Variants in TBCD observed in about 807,000 individuals in gnomAD.
TBCD encodes the protein tubulin-specific chaperone D.
A neutral mutation model predicts 169.3 loss-of-function variants in TBCD; 105 were observed. The ratio of observed to expected loss-of-function variants is 0.62; its 90% CI spans 0.53 to 0.73. TBCD has a LOEUF of 0.73. TBCD is among the 30% of genes least tolerant of loss of function. The pLI is 0.00. For synonymous variants in TBCD, 700 were observed against 643.9 expected, an observed-to-expected ratio of 1.09 and a Z score of -1.32; for missense variants, 1,444 against 1,600.1, an observed-to-expected ratio of 0.90 and a Z score of 1.66.
intron 9 of TBCD, among the ~76,000 whole-genome samples, chr17:82,803,359 G>A (rs1426602652): frequency 6.6e-6 from 1 of 152,226 alleles, no homozygotes; most frequent in Non-Finnish European, 1.5e-5. Context: ...TCTGAGGGTT[G>A]CACAGTCTCC....
intron 8 of TBCD, among the ~76,000 whole-genome samples, chr17:82,799,746 C>T (rs536947790): frequency 1.5e-4 from 23 of 152,334 alleles, no homozygotes; most frequent in African/African-American, 3.6e-4. Flanking sequence ...CAGGCCCTGT[C>T]GGCGGGAGGA....
rs541535636 is a variant in TBCD, at chr17:82,884,884, G to C, written c.1533+682G>C. On this transcript the variant is annotated intron_variant, in intron 15 of 38. Transcript: ENST00000355528. This position sits in a 1 kb window ranked among gnomAD's most constrained non-coding sequence, Gnocchi z 4.2. ...AGTTGAGACGGTGGACCAGTCTCAA[G>C]ATAAGAGTCTTTATTTCAGATACAG... is the stretch of plus-strand genomic sequence containing the variant. 5.9e-5 allele frequency: 9 copies of C among 152,628 alleles called. No homozygotes were observed. The highest frequency in any genetic ancestry group is 2.2e-4 in the African/African-American group (9 of 41,544). 9.5% of individuals were successfully genotyped at this position (152,628 alleles called of 1,614,324 possible).
At chr17:82,804,844 C>T (rs1382303442) in intron 9 of TBCD, among the ~76,000 whole-genome samples, 2 of 152,240 alleles carry the variant, frequency 1.3e-5, no homozygotes, top group African/African-American at 4.8e-5. Flanking sequence ...AAACTGCCCC[C>T]CTCCTTGTTT....
intron 5 of TBCD, among the ~76,000 whole-genome samples, chr17:82,771,888 C>T (rs2048328666): frequency 6.6e-6 from 1 of 151,656 alleles, no homozygotes; most frequent in Non-Finnish European, 1.5e-5. Flanking sequence ...CGCGCCACGG[C>T]CCTCCAGCCT....
Position 82,784,337 on chromosome 17 carries a change from G to T in TBCD, c.771+2616G>T, listed in dbSNP as rs115556385. On this transcript the variant is annotated intron_variant, in intron 7 of 38. Coordinates refer to ENST00000355528, the MANE Select transcript of TBCD (RefSeq NM_005993.5). ...TTTTGGGCATTGCAGGTACAGATGTGCTGTCTGTGTCCCCAGGTGCCCCTC... is the reference window on the plus strand; with the variant it reads ...TTTTGGGCATTGCAGGTACAGATGTTCTGTCTGTGTCCCCAGGTGCCCCTC... 1.0e-2 allele frequency among the ~76,000 whole-genome samples: 1,521 copies of T among 152,278 alleles called. 20 individuals carry two copies. The highest frequency in any genetic ancestry group is 0.035 in the African/African-American group (1,447 of 41,552).
chr17:82,879,179 G>A (rs1177761829), intron 14 of TBCD, among the ~76,000 whole-genome samples: 3 of 150,156 alleles, frequency 2.0e-5, no homozygotes, highest in Non-Finnish European at 4.4e-5. Context: ...CACTTCCCAG[G>A]AGTCTCACAT....
chr17:82,850,078 C>T (rs1327859334), intron 13 of TBCD, among the ~76,000 whole-genome samples: 11 of 83,704 alleles, frequency 1.3e-4, no homozygotes, highest in South Asian at 4.4e-4. Flanking sequence ...GTTGGCTGTG[C>T]TGTGCTGCTG....
intron 13 of TBCD, among the ~76,000 whole-genome samples, chr17:82,827,981 G>T (rs765430000): frequency 1.3e-4 from 19 of 140,770 alleles, no homozygotes; most frequent in Non-Finnish European, 2.4e-4. Flanking sequence ...ACGCACACAT[G>T]CACACCCAAT....
intron 2 of TBCD, among the ~76,000 whole-genome samples, chr17:82,762,888 T>G (rs1464989673): frequency 6.6e-6 from 1 of 152,214 alleles, no homozygotes; most frequent in Admixed American, 6.5e-5. Flanking sequence ...CCAGTCTCTC[T>G]GATTTCAGGG....
chr17:82,799,460 A>G (rs2050340530), intron 8 of TBCD, among the ~76,000 whole-genome samples: 2 of 151,222 alleles, frequency 1.3e-5, no homozygotes, highest in Non-Finnish European at 2.9e-5. Context: ...AAAAAAAAAA[A>G]AAAGAAACTA....
intron 14 of TBCD, among the ~76,000 whole-genome samples, chr17:82,879,936 G>C (rs2058243944): frequency 2.0e-5 from 3 of 151,954 alleles, no homozygotes; most frequent in African/African-American, 7.3e-5. Context: ...GCGGTCACAG[G>C]CCTACCTGTC....
chr17:82,913,982 C>G lies in TBCD; in HGVS notation c.2038+2193C>G, dbSNP rs1275626044. On this transcript the variant is annotated intron_variant, in intron 23 of 38. Coordinates refer to ENST00000355528, the MANE Select transcript of TBCD (RefSeq NM_005993.5). ...GGCGTGAGGCTGCATTTGCACTTAG[C>G]GGGGAGAGGGGGAATGTTGTGGGTT... The G allele has an allele frequency of 3.3e-5, 5 of 152,424 alleles. No homozygotes were observed. In the East Asian group the frequency reaches 9.7e-4, roughly 29 times the overall value. 9.4% of individuals were successfully genotyped at this position (152,424 alleles called of 1,614,324 possible). A position where few individuals can be genotyped will look rare whatever the true frequency, so the allele number is the denominator to read the frequency against.
chr17:82,783,745 T>C (rs1489399620), intron 7 of TBCD, among the ~76,000 whole-genome samples: 1 of 152,204 alleles, frequency 6.6e-6, no homozygotes, highest in Non-Finnish European at 1.5e-5. Flanking sequence ...AGCGTGTGGG[T>C]ATTTTCCATA....
chr17:82,809,360 C>T (rs994543513), intron 11 of TBCD, among the ~76,000 whole-genome samples: 5 of 152,104 alleles, frequency 3.3e-5, no homozygotes, highest in Admixed American at 6.5e-5. Flanking sequence ...AGAGGAAGCC[C>T]GGCTCCAGTA....
intron 11 of TBCD, among the ~76,000 whole-genome samples, chr17:82,808,513 C>A (rs1477318340): frequency 2.2e-5 from 2 of 91,168 alleles, no homozygotes; most frequent in South Asian, 3.9e-4. Context: ...GGCGGGGAGG[C>A]CCCTGCTGTG....
At chr17:82,926,807 ACACG>A in intron 28 of TBCD, 1 of 513,926 alleles carries the variant, frequency 1.9e-6, no homozygotes, top group Non-Finnish European at 3.5e-6. Flanking sequence ...TCGTTGACAG[ACACG>A]CACCTGGGGC....
Position 82,864,180 on chromosome 17 carries a change from G to A in TBCD, c.1319-6044G>A, listed in dbSNP as rs1418689178. 6.6e-6 allele frequency: 1 copy of A among 152,262 alleles called. No homozygotes were observed. Among genetic ancestry groups the A allele is most frequent in the African/African-American group, 2.4e-5 (1 of 41,462 alleles). 9.4% of individuals were successfully genotyped at this position (152,262 alleles called of 1,614,324 possible). On this transcript the variant is annotated intron_variant, in intron 13 of 38. Transcript: ENST00000355528. The surrounding 1 kb of genome is among the most constrained non-coding windows in gnomAD (Gnocchi z 6.3). ...CTTTCTTAGAGAGTGGGTAAAAGAT[G>A]AGTCATCTCTTGTGTGATTTATCAG...
intron 13 of TBCD, among the ~76,000 whole-genome samples, chr17:82,847,978 G>T (rs562116014): frequency 2.6e-5 from 4 of 152,168 alleles, no homozygotes; most frequent in African/African-American, 4.8e-5. Context: ...TTTTTCAGAC[G>T]AGTGGGAGTA....
intron 13 of TBCD, among the ~76,000 whole-genome samples, chr17:82,828,020 C>T (rs922174646): frequency 1.3e-5 from 2 of 150,916 alleles, no homozygotes; most frequent in African/African-American, 4.9e-5. Flanking sequence ...CAGATATGTA[C>T]ACGTGGACAC....
Sources: gnomAD v4.1 joint callset for allele counts (sites outside exome capture counted in the v4.1 genomes callset) on GRCh38, gnomAD v4.1.1 for gene constraint, Gnocchi (gnomAD v3.1) non-coding constraint, MANE v1.5 for transcripts, NCBI Gene and HGNC (gene_info 2026-07-23, HGNC 2026-07-21) for gene names.